The following KLHL29 variants were observed in gnomAD, a reference collection of about 807,000 sequenced individuals.
KLHL29 encodes the protein kelch-like protein 29.
A neutral mutation model predicts 80.4 loss-of-function variants in KLHL29; 21 were observed. The observed-to-expected ratio is 0.26, with a 90% CI of 0.19 to 0.38. The LOEUF is 0.38. Among genes scored for constraint, KLHL29 ranks in the 10% least tolerant of loss-of-function variants. The probability of loss-of-function intolerance (pLI) is 1.00; values close to 1 mark genes in which losing one functional copy is unlikely to be tolerated. For synonymous variants in KLHL29, 511 were observed against 526.8 expected (o/e 0.97, Z 0.41); for missense variants, 867 against 1,223.9 (o/e 0.71, Z 4.35).
intron 4 of KLHL29, 33 bp from the exon 5 acceptor site, chr2:23,642,305 C>T (rs1409375913): frequency 2.7e-5 from 37 of 1,394,264 alleles, no homozygotes; most frequent in Admixed American, 6.2e-5. Context: ...AAAATGTAAC[C>T]GGCAGATGAC....
At position 23,476,140 on chromosome 2, in the gene KLHL29, G is replaced by A. The variant is rs1044781295; in HGVS notation, c.-46+473G>A. On this transcript the variant is annotated intron_variant, in intron 2 of 13. Coordinates refer to ENST00000486442, the MANE Select transcript of KLHL29 (RefSeq NM_052920.2). ...TCTACCCGCTTCAGCCTCCCAAAGC[G>A]CTGCGATTGTAGGCGTGAGCCACCG... Among the ~76,000 whole-genome samples, 6 of 152,012 alleles carry A rather than the reference G, an allele frequency of 3.9e-5. No homozygotes were observed. In the East Asian group the frequency reaches 5.8e-4, roughly 15 times the overall value.
chr2:23,688,002 G>A (rs899462457), intron 6 of KLHL29, among the ~76,000 whole-genome samples: 1 of 152,152 alleles, frequency 6.6e-6, no homozygotes, highest in Non-Finnish European at 1.5e-5. Context: ...CCATGCAGAA[G>A]GGTCCCGGCA....
intron 3 of KLHL29, among the ~76,000 whole-genome samples, chr2:23,619,153 C>T (rs1207617443): frequency 6.6e-6 from 1 of 152,224 alleles, no homozygotes; most frequent in Non-Finnish European, 1.5e-5. Flanking sequence ...GTGGTGTCCA[C>T]TCCTTGCTCA....
chr2:23,548,065 T>G, intron 2 of KLHL29, among the ~76,000 whole-genome samples: 1 of 54,720 alleles, frequency 1.8e-5, no homozygotes, highest in Admixed American at 2.5e-4. Flanking sequence ...ACCCCCGGAC[T>G]ATGTCAAGCC....
chr2:23,604,267 C>CTGATTTTT (rs71400598), intron 3 of KLHL29, among the ~76,000 whole-genome samples: 60,975 of 151,520 alleles, frequency 0.4, 12,406 homozygotes, highest in East Asian at 0.65. Flanking sequence ...CCACGCCTGG[C>CTGATTTTT]TGTATTTTTA....
At chr2:23,598,878 G>A (rs1040122949) in intron 3 of KLHL29, among the ~76,000 whole-genome samples, 4 of 152,214 alleles carry the variant, frequency 2.6e-5, no homozygotes, top group Admixed American at 6.5e-5. Flanking sequence ...CCAAGTCATA[G>A]GGGTGGCCCT....
chr2:23,483,423 A>G (rs1394087817), intron 2 of KLHL29, among the ~76,000 whole-genome samples: 1 of 152,238 alleles, frequency 6.6e-6, no homozygotes, highest in Non-Finnish European at 1.5e-5. Flanking sequence ...CTTGAATGCC[A>G]TGCTAACCCT....
chr2:23,499,858 T>A (rs1303959974), intron 2 of KLHL29, among the ~76,000 whole-genome samples: 1 of 152,244 alleles, frequency 6.6e-6, no homozygotes, highest in African/African-American at 2.4e-5. Flanking sequence ...TGAGGCGCAT[T>A]CTCTAGAAAT....
At chr2:23,434,874 G>A (rs193118683) in intron 1 of KLHL29, among the ~76,000 whole-genome samples, 14 of 152,314 alleles carry the variant, frequency 9.2e-5, no homozygotes, top group Admixed American at 8.5e-4. Context: ...GGCTGTGCCT[G>A]TCAAAGCCTG....
At chr2:23,688,590 C>G (rs1314005674) in intron 6 of KLHL29, among the ~76,000 whole-genome samples, 2 of 152,098 alleles carry the variant, frequency 1.3e-5, no homozygotes, top group African/African-American at 4.8e-5. Flanking sequence ...TCTGGCCTCT[C>G]CTGGGCACCC....
chr2:23,485,266 G>A (rs1169979129), intron 2 of KLHL29, among the ~76,000 whole-genome samples: 1 of 152,238 alleles, frequency 6.6e-6, no homozygotes, highest in Non-Finnish European at 1.5e-5. Context: ...TTTGGTGGCA[G>A]GGACTGTCTC....
chr2:23,418,769 G>C (rs1662683022), intron 1 of KLHL29, among the ~76,000 whole-genome samples: 1 of 152,028 alleles, frequency 6.6e-6, no homozygotes, highest in African/African-American at 2.4e-5. Flanking sequence ...GTGAGTCAGG[G>C]ATAACCTTAC....
intron 1 of KLHL29, among the ~76,000 whole-genome samples, chr2:23,400,632 G>A (rs1005318088): frequency 5.3e-5 from 8 of 151,814 alleles, no homozygotes; most frequent in Non-Finnish European, 1.0e-4. Context: ...AGTTAATAAA[G>A]GTCAACTTGG....
chr2:23,525,755 C>CAG (rs940553045), intron 2 of KLHL29, among the ~76,000 whole-genome samples: 2 of 149,272 alleles, frequency 1.3e-5, no homozygotes, highest in African/African-American at 4.9e-5. Context: ...GGCGAGCCAG[C>CAG]AGAGCCAGGG....
intron 1 of KLHL29, among the ~76,000 whole-genome samples, chr2:23,420,906 A>G (rs1183438125): frequency 6.6e-6 from 1 of 151,678 alleles, no homozygotes; most frequent in Admixed American, 6.6e-5. Context: ...CATCAATCTC[A>G]CACCCTCCCA....
rs542756988 is a variant in KLHL29, at chr2:23,407,907, TTTG to T, written c.-154+22148_-154+22150del. 7.9e-5 allele frequency among the ~76,000 whole-genome samples: 12 copies of T among 152,012 alleles called. No homozygotes were observed. In the South Asian group the frequency reaches 8.4e-4, roughly 11 times the overall value. On this transcript the variant is annotated intron_variant, in intron 1 of 13. Coordinates refer to ENST00000486442, the MANE Select transcript of KLHL29 (RefSeq NM_052920.2). ...ATACATTAAATTCTTTGTTGGGTTTTTTGTTGTTGTTGTTGTTGTTGTTTTGAG... is the reference window on the plus strand; with the variant it reads ...ATACATTAAATTCTTTGTTGGGTTTTTTGTTGTTGTTGTTGTTGTTTTGAG...
intron 3 of KLHL29, among the ~76,000 whole-genome samples, chr2:23,594,115 C>A (rs1002575763): frequency 6.6e-6 from 1 of 152,136 alleles, no homozygotes; most frequent in Non-Finnish European, 1.5e-5. Flanking sequence ...GATTTAATGA[C>A]AGGGGTGTCG....
At chr2:23,390,871 C>G (rs1270412039) in intron 1 of KLHL29, among the ~76,000 whole-genome samples, 1 of 152,070 alleles carries the variant, frequency 6.6e-6, no homozygotes, top group Non-Finnish European at 1.5e-5. Flanking sequence ...CCAGGCTGGT[C>G]TCGAACTCCT....
chr2:23,403,636 G>T (rs189269657), intron 1 of KLHL29, among the ~76,000 whole-genome samples: 54 of 151,882 alleles, frequency 3.6e-4, no homozygotes, highest in African/African-American at 1.3e-3. Flanking sequence ...TGCAGAGTTT[G>T]CAATTTATTA....
Sources: allele counts gnomAD v4.1 joint callset (sites outside exome capture counted in the v4.1 genomes callset), GRCh38; gene constraint gnomAD v4.1.1; transcripts MANE v1.5; gene names NCBI Gene and HGNC (gene_info 2026-07-23, HGNC 2026-07-21).